The following EPB41L3 variants were observed in gnomAD, a reference collection of about 807,000 sequenced individuals.
The protein encoded by EPB41L3 is erythrocyte membrane protein band 4.1 like 3, also known as band 4.1-like protein 3.
EPB41L3 carries 57 observed loss-of-function variants against 127.1 expected under a neutral mutation model. That is an observed-to-expected ratio of 0.45 (90% CI 0.36 to 0.56). The LOEUF is 0.56. EPB41L3 is among the 20% of genes least tolerant of loss of function. The probability of loss-of-function intolerance (pLI) is 0.00; values close to 1 mark genes in which losing one functional copy is unlikely to be tolerated. For missense variants in EPB41L3, 1,273 were observed against 1,372.2 expected (o/e 0.93, Z 1.14); for synonymous variants, 572 against 549.5 (o/e 1.04, Z -0.57).
At chr18:5,597,425 C>T (rs927260873) in intron 3 of EPB41L3, among the ~76,000 whole-genome samples, 13 of 152,094 alleles carry the variant, frequency 8.5e-5, no homozygotes, top group African/African-American at 1.4e-4. Context: ...TGTATTCATC[C>T]GAAAATTCTG....
intron 5 of EPB41L3, 47 bp from the exon 6 acceptor site, chr18:5,438,157 T>C (rs746948317): frequency 2.2e-5 from 34 of 1,575,082 alleles, no homozygotes; most frequent in Middle Eastern, 1.7e-4. Context: ...GAAATTCTTA[T>C]GACTCTAATC....
chr18:5,518,053 C>T (rs983935751), intron 1 of EPB41L3, among the ~76,000 whole-genome samples: 9 of 152,106 alleles, frequency 5.9e-5, no homozygotes, highest in Admixed American at 4.6e-4. Context: ...CTCCCTGCTC[C>T]GTCTCCTCTC....
At chr18:5,464,851 G>A (rs1247898787) in intron 3 of EPB41L3, among the ~76,000 whole-genome samples, 2 of 152,198 alleles carry the variant, frequency 1.3e-5, no homozygotes, top group Non-Finnish European at 1.5e-5. Context: ...AGGGACTAGA[G>A]ATGAAGAAAA....
At chr18:5,501,158 T>C (rs955282642) in intron 1 of EPB41L3, among the ~76,000 whole-genome samples, 1 of 152,214 alleles carries the variant, frequency 6.6e-6, no homozygotes, top group African/African-American at 2.4e-5. Context: ...ATTCTATCGC[T>C]ACAGAAAAGA....
chr18:5,560,999 A>C (rs1022676520), intron 3 of EPB41L3, among the ~76,000 whole-genome samples: 1 of 120,438 alleles, frequency 8.3e-6, no homozygotes. Context: ...TTATTTTGAG[A>C]TGGAGTCTCG....
intron 11 of EPB41L3, among the ~76,000 whole-genome samples, chr18:5,422,892 T>G (rs557334309): frequency 1.3e-5 from 2 of 152,332 alleles, no homozygotes; most frequent in South Asian, 4.1e-4. Context: ...TGTGCTCTGT[T>G]ATTTGAATGT....
At chr18:5,477,037 A>G (rs2087375783) in intron 3 of EPB41L3, among the ~76,000 whole-genome samples, 1 of 152,184 alleles carries the variant, frequency 6.6e-6, no homozygotes, top group Non-Finnish European at 1.5e-5. Context: ...ACTTTTTTCT[A>G]TGTTCCTGCA....
intron 1 of EPB41L3, among the ~76,000 whole-genome samples, chr18:5,533,455 T>A (rs1305815515): frequency 1.3e-5 from 2 of 152,340 alleles, no homozygotes; most frequent in East Asian, 3.9e-4. Flanking sequence ...GTCTGACCAT[T>A]TACCATTGAT....
intron 1 of EPB41L3, chr18:5,540,342 C>A (rs1441020090): frequency 1.0e-6 from 1 of 985,110 alleles, no homozygotes; most frequent in East Asian, 1.1e-4. Flanking sequence ...AACAATACCT[C>A]GCAATGCAGT....
At chr18:5,541,723 C>T (rs1411285074) in intron 1 of EPB41L3, among the ~76,000 whole-genome samples, 2 of 152,140 alleles carry the variant, frequency 1.3e-5, no homozygotes, top group African/African-American at 4.8e-5. Context: ...TTGCTTTTAA[C>T]CTAAATCGCA....
At chr18:5,569,490 A>G (rs1465865524) in intron 3 of EPB41L3, among the ~76,000 whole-genome samples, 2 of 152,190 alleles carry the variant, frequency 1.3e-5, no homozygotes, top group African/African-American at 4.8e-5. Flanking sequence ...ATGAGTGATC[A>G]CCTCAGGGAT....
chr18:5,543,372 G>C lies in EPB41L3; in HGVS notation c.-12+541C>G, dbSNP rs983537898. The C allele has an allele frequency of 6.8e-6, 1 of 147,922 alleles. No individual in the cohort carries two copies. The highest frequency in any genetic ancestry group is 6.7e-5 in the Admixed American group (1 of 14,890). The allele number at this position is 147,922 out of a possible 1,614,324, so 9.2% of individuals were successfully genotyped here. On this transcript the variant is annotated intron_variant, in intron 1 of 22. Coordinates refer to ENST00000341928, the MANE Select transcript of EPB41L3 (RefSeq NM_012307.5). The surrounding 1 kb of genome is among the most constrained non-coding windows in gnomAD (Gnocchi z 5.2). ...CACCCGGGACGAGCCCGCTGCCGCC[G>C]CGCGCTGAGCGCAGGGCCCCTCCCG...
intron 1 of EPB41L3, among the ~76,000 whole-genome samples, chr18:5,538,717 A>G (rs2093639458): frequency 6.6e-6 from 1 of 152,074 alleles, no homozygotes; most frequent in Non-Finnish European, 1.5e-5. Context: ...CACCCTCCAC[A>G]CTGATGTCCT....
At chr18:5,453,453 T>G (rs2082570443) in intron 3 of EPB41L3, among the ~76,000 whole-genome samples, 1 of 152,176 alleles carries the variant, frequency 6.6e-6, no homozygotes, top group African/African-American at 2.4e-5. Flanking sequence ...GATGCATGCA[T>G]GCATTTCTTT....
rs762092790 is a variant in EPB41L3, at chr18:5,416,039, G to A, written c.1846C>T (p.Leu616Phe). Reference sequence around the variant, plus strand: ...TAATGCTGCAAGCTCTGGGGCAGGAGGTTGGTTTCAGAAAGGTTGGGGAAA... The same window carrying A: ...TAATGCTGCAAGCTCTGGGGCAGGAAGTTGGTTTCAGAAAGGTTGGGGAAA... ...LSFPNLSETN[L>F]LPQSLQHYLP... Residue 616 changes from leucine (L) to phenylalanine (F), a missense_variant, in exon 13 of 23, where the codon CTC becomes TTC. Leu to Phe is a conservative substitution (Grantham distance 22, BLOSUM62 0). Transcript: ENST00000341928. 2.5e-6 allele frequency: 4 copies of A among 1,613,980 alleles called. No homozygotes were observed. The highest frequency in any genetic ancestry group is 3.3e-5 in the Admixed American group (2 of 60,012).
chr18:5,417,123 A>G (rs894715893), intron 12 of EPB41L3, among the ~76,000 whole-genome samples: 1 of 152,202 alleles, frequency 6.6e-6, no homozygotes, highest in Non-Finnish European at 1.5e-5. Flanking sequence ...TAGCAAAAAC[A>G]ATGTGTTTTC....
At position 5,497,275 on chromosome 18, in the gene EPB41L3, T is replaced by A. The variant is rs1319111518; in HGVS notation, c.-11-8081A>T. On this transcript the variant is annotated intron_variant, in intron 1 of 22. Transcript: ENST00000341928. ...TGGAGCATTCTGAGGTGAGGAATGATAGGGTCTTATGGATGCTTTTAAAAG... is the reference window on the plus strand; with the variant it reads ...TGGAGCATTCTGAGGTGAGGAATGAAAGGGTCTTATGGATGCTTTTAAAAG... Among the ~76,000 whole-genome samples the A allele has an allele frequency of 2.0e-5, 3 of 152,112 alleles. No individual in the cohort carries two copies. The South Asian group carries it at 6.2e-4, about 31-fold the overall frequency.
At chr18:5,563,379 AC>A (rs1217769225) in intron 3 of EPB41L3, among the ~76,000 whole-genome samples, 1 of 152,168 alleles carries the variant, frequency 6.6e-6, no homozygotes, top group Admixed American at 6.5e-5. Flanking sequence ...GAAATGTAAG[AC>A]TGGTTAGTGG....
intron 2 of EPB41L3, among the ~76,000 whole-genome samples, chr18:5,485,693 A>T (rs191849777): frequency 6.6e-6 from 1 of 152,250 alleles, no homozygotes; most frequent in Non-Finnish European, 1.5e-5. Flanking sequence ...TAAATTTGTC[A>T]ATGGTAAACT....
Sources: allele counts gnomAD v4.1 joint callset (sites outside exome capture counted in the v4.1 genomes callset), GRCh38; gene constraint gnomAD v4.1.1; non-coding constraint Gnocchi (gnomAD v3.1); transcripts MANE v1.5; gene names NCBI Gene and HGNC (gene_info 2026-07-23, HGNC 2026-07-21).